The following PTPRD variants were observed in gnomAD, a reference collection of about 807,000 sequenced individuals.
PTPRD encodes the protein receptor-type tyrosine-protein phosphatase delta.
Under a neutral mutation model 214.5 loss-of-function variants are expected in PTPRD, and 34 were observed. The ratio of observed to expected loss-of-function variants is 0.16; its 90% confidence interval spans 0.12 to 0.21. The LOEUF is 0.21. PTPRD is among the 10% of genes least tolerant of loss of function. PTPRD has a pLI of 1.00. For synonymous variants in PTPRD, 1,128 were observed against 845.7 expected (o/e 1.33, Z -5.79); for missense variants, 2,545 against 2,398.7 (o/e 1.06, Z -1.27).
At chr9:10,246,161 C>G (rs902622145) in intron 3 of PTPRD, among the ~76,000 whole-genome samples, 3 of 152,050 alleles carry the variant, frequency 2.0e-5, no homozygotes, top group African/African-American at 7.2e-5. Flanking sequence ...GATATAAAAG[C>G]TTTGGAAATG....
At chr9:8,809,912 C>A (rs1255353262) in intron 11 of PTPRD, among the ~76,000 whole-genome samples, 2 of 152,168 alleles carry the variant, frequency 1.3e-5, no homozygotes, top group Non-Finnish European at 2.9e-5. Flanking sequence ...CTTCCATCAA[C>A]AGATGTCATA....
intron 5 of PTPRD, among the ~76,000 whole-genome samples, chr9:9,872,595 AACCACC>A (rs935582549): frequency 3.9e-5 from 6 of 152,018 alleles, no homozygotes; most frequent in African/African-American, 1.2e-4. Context: ...GTGTCAAAAC[AACCACC>A]ACCACCACCA....
intron 9 of PTPRD, among the ~76,000 whole-genome samples, chr9:9,316,290 T>C (rs1963043564): frequency 6.6e-6 from 1 of 151,980 alleles, no homozygotes. Flanking sequence ...CACAGAGAAA[T>C]ACAATATCTG....
chr9:9,227,425 G>A (rs148668599), intron 9 of PTPRD, among the ~76,000 whole-genome samples: 1 of 151,998 alleles, frequency 6.6e-6, no homozygotes, highest in Non-Finnish European at 1.5e-5. Context: ...CAGCTATCTG[G>A]CCCTGGCTTC....
chr9:8,594,860 C>T (rs113805796), intron 14 of PTPRD, among the ~76,000 whole-genome samples: 78 of 130,576 alleles, frequency 6.0e-4, no homozygotes, highest in East Asian at 2.4e-3. Flanking sequence ...TGTTTAACCC[C>T]TTTTTTTTTT....
Position 8,485,925 on chromosome 9 carries a change from G to C in PTPRD, c.2892C>G (p.Pro964=), listed in dbSNP as rs376193969. Residue 964 remains proline (P), a synonymous_variant, in exon 28 of 46, where the codon CCC becomes CCG. Coordinates refer to ENST00000381196, the MANE Select transcript of PTPRD (RefSeq NM_002839.4). ...CAATAAGCTGCTCCATCGGGAGAAG[G>C]GGGATGTTGATATCCCTATAAAGAA... ...YTLLYRDINI[P]LLPMEQLIVP... The C allele has an allele frequency of 1.9e-6, 3 of 1,614,042 alleles. No individual in the cohort carries two copies. In the African/African-American group the frequency reaches 4.0e-5, roughly 22 times the overall value.
At chr9:8,592,030 A>G (rs2094143568) in intron 14 of PTPRD, among the ~76,000 whole-genome samples, 1 of 152,218 alleles carries the variant, frequency 6.6e-6, no homozygotes, top group African/African-American at 2.4e-5. Context: ...ATTTATTAAA[A>G]TAACTTTGAA....
chr9:8,349,487 A>G (rs540374487), intron 39 of PTPRD, among the ~76,000 whole-genome samples: 2 of 152,310 alleles, frequency 1.3e-5, no homozygotes, highest in East Asian at 3.9e-4. Flanking sequence ...TGAAAAACTC[A>G]GCTCTCCATT....
chr9:10,484,696 G>C (rs190990244), intron 2 of PTPRD, among the ~76,000 whole-genome samples: 4 of 151,912 alleles, frequency 2.6e-5, no homozygotes, highest in Admixed American at 2.6e-4. Flanking sequence ...TAGATTTTTT[G>C]CTCATTTTTA....
chr9:10,140,108 C>T (rs2098973059), intron 3 of PTPRD, among the ~76,000 whole-genome samples: 3 of 151,990 alleles, frequency 2.0e-5, no homozygotes, highest in Admixed American at 1.3e-4. Context: ...CTCTGACAAT[C>T]TGTGCTCAGA....
intron 3 of PTPRD, among the ~76,000 whole-genome samples, chr9:10,154,116 G>C (rs1207504432): frequency 6.6e-6 from 1 of 151,882 alleles, no homozygotes; most frequent in Non-Finnish European, 1.5e-5. Context: ...CTTTTTTACT[G>C]CAACTTCACT....
intron 11 of PTPRD, among the ~76,000 whole-genome samples, chr9:8,887,814 G>C (rs373986886): frequency 6.6e-6 from 1 of 152,068 alleles, no homozygotes; most frequent in East Asian, 1.9e-4. Flanking sequence ...ATACACAGAA[G>C]TGTCCACCTT....
chr9:10,564,171 C>CTTTTTTTTTTTTTTTTT lies in PTPRD; in HGVS notation c.-600+48210_-600+48226dup, dbSNP rs71332760. Among the ~76,000 whole-genome samples, 175 of 29,404 alleles carry CTTTTTTTTTTTTTTTTT rather than the reference C, an allele frequency of 6.0e-3. 52 individuals are homozygous for CTTTTTTTTTTTTTTTTT. The highest frequency in any genetic ancestry group is 0.015 in the East Asian group (13 of 846). The allele number at this position is 29,404 out of a possible 152,430, so 19.3% of individuals were successfully genotyped here. On this transcript the variant is annotated intron_variant, in intron 2 of 45. Transcript: ENST00000381196. ...GTGTGCACCACCACACTAGGCTATT[C>CTTTTTTTTTTTTTTTTT]TTTTTTTTTTTTTTTTTTTTTTTTG... is the stretch of plus-strand genomic sequence containing the variant.
At position 8,319,873 on chromosome 9, in the gene PTPRD, G is replaced by C. The variant is rs769432787; in HGVS notation, c.5628C>G (p.Val1876=). 1 of 1,611,476 alleles carries C rather than the reference G, an allele frequency of 6.2e-7. No homozygotes were observed. The highest frequency in any genetic ancestry group is 1.3e-5 in the African/African-American group (1 of 74,838). Residue 1876 remains valine (V), a synonymous_variant, in exon 45 of 46, where the codon GTC becomes GTG. Coordinates refer to ENST00000381196, the MANE Select transcript of PTPRD (RefSeq NM_002839.4). ...YEGVVDIFQT[V]KMLRTQRPAM... is the part of the protein sequence containing the mutation. ...CTGGTCGTTGTGTTCTTAACATTTT[G>C]ACAGTCTGGAAGATATCTACAACTC...
chr9:8,949,574 C>T (rs1417221682), intron 11 of PTPRD, among the ~76,000 whole-genome samples: 4 of 152,076 alleles, frequency 2.6e-5, no homozygotes, highest in Admixed American at 6.6e-5. Flanking sequence ...AAAAGCAAAA[C>T]GTTTTGCTAA....
chr9:10,338,942 A>C (rs1223529197), intron 3 of PTPRD, among the ~76,000 whole-genome samples: 2 of 106,450 alleles, frequency 1.9e-5, no homozygotes, highest in African/African-American at 6.2e-5. Context: ...AATGTAGACA[A>C]AAAAAAAAAT....
intron 2 of PTPRD, among the ~76,000 whole-genome samples, chr9:10,565,390 A>T (rs1161726621): frequency 6.6e-6 from 1 of 152,064 alleles, no homozygotes; most frequent in Non-Finnish European, 1.5e-5. Flanking sequence ...ATAATTGAAC[A>T]ATTATTTTTG....
At chr9:9,551,667 T>C (rs184085531) in intron 8 of PTPRD, among the ~76,000 whole-genome samples, 20 of 152,088 alleles carry the variant, frequency 1.3e-4, no homozygotes, top group Admixed American at 3.9e-4. Flanking sequence ...TTAATTCCAT[T>C]GGACTTTCCA....
chr9:9,266,766 T>C (rs894981181), intron 9 of PTPRD, among the ~76,000 whole-genome samples: 2 of 149,478 alleles, frequency 1.3e-5, no homozygotes, highest in Admixed American at 6.7e-5. Flanking sequence ...CAAATGAAAA[T>C]GAAAATACAA....
Sources: allele counts gnomAD v4.1 joint callset (sites outside exome capture counted in the v4.1 genomes callset), GRCh38; gene constraint gnomAD v4.1.1; transcripts MANE v1.5; gene names NCBI Gene and HGNC (gene_info 2026-07-23, HGNC 2026-07-21).